RSBN1: variants seen among roughly 807,000 people sequenced by gnomAD.
The protein encoded by RSBN1 is round spermatid basic protein 1.
In RSBN1, 23 loss-of-function variants were observed where a neutral mutation model predicts 74.8. The observed-to-expected ratio is 0.31, with a 90% confidence interval of 0.22 to 0.44. The LOEUF (loss-of-function observed/expected upper bound fraction) is 0.44, where lower values mean the gene tolerates loss of function less well. Among genes scored for constraint, RSBN1 ranks in the 20% least tolerant of loss-of-function variants. The pLI is 1.00. For missense variants in RSBN1, 808 were observed against 1,020.9 expected (o/e 0.79, Z 2.84); for synonymous variants, 407 against 379.6 (o/e 1.07, Z -0.84).
At chr1:113,809,954 A>G (rs954103500) in intron 1 of RSBN1, among the ~76,000 whole-genome samples, 3 of 152,204 alleles carry the variant, frequency 2.0e-5, no homozygotes, top group Non-Finnish European at 4.4e-5. Flanking sequence ...TTAGGTCAGA[A>G]GTGTGTTTTT....
At chr1:113,801,733 A>C (rs996613982) in intron 1 of RSBN1, among the ~76,000 whole-genome samples, 16 of 152,226 alleles carry the variant, frequency 1.1e-4, no homozygotes, top group Admixed American at 1.3e-4. Context: ...TCACCTATCC[A>C]ACTGTGTGAT....
rs1414459500 is a variant in RSBN1, at chr1:113,761,901, TG to T, written c.*4078del. On this transcript the variant is annotated 3_prime_UTR_variant, in exon 7 of 7. Transcript: ENST00000261441. ...GAAAAAAAAAAACTATGCATTCCATTGTCCTATTTTACAAAGAAATAGCTTA... is the reference window on the plus strand; with the variant it reads ...GAAAAAAAAAAACTATGCATTCCATTTCCTATTTTACAAAGAAATAGCTTA... 1 of 152,666 alleles carries T rather than the reference TG, an allele frequency of 6.6e-6. No homozygotes were observed. Among genetic ancestry groups the T allele is most frequent in the Non-Finnish European group, 1.5e-5 (1 of 68,010 alleles). 9.5% of individuals were successfully genotyped at this position (152,666 alleles called of 1,614,324 possible). A position where few individuals can be genotyped will look rare whatever the true frequency, so the allele number is the denominator to read the frequency against.
At position 113,812,209 on chromosome 1, in the gene RSBN1, C is replaced by T. The variant is rs1401057372; in HGVS notation, c.204G>A (p.Pro68=). The T allele has an allele frequency of 3.1e-6, 5 of 1,607,774 alleles. No individual in the cohort carries two copies. The African/African-American group carries it at 5.3e-5, about 17-fold the overall frequency. ...VVRAVAAQEE[P]DKEGKEKPHA... is the part of the protein sequence containing the mutation. ...GAGGTTTCTCCTTCCCCTCTTTGTC[C>T]GGCTCCTCCTGCGCCGCCACCGCCC... The change falls in exon 1 of 7, where the codon CCG becomes CCA. Residue 68 remains proline (P), a synonymous_variant. Coordinates refer to ENST00000261441, the MANE Select transcript of RSBN1 (RefSeq NM_018364.5).
chr1:113,786,764 A>C (rs2101807122), intron 2 of RSBN1, among the ~76,000 whole-genome samples: 1 of 152,314 alleles, frequency 6.6e-6, no homozygotes, highest in South Asian at 2.1e-4. Context: ...TGAGTCCAGG[A>C]GTTCAAGACC....
chr1:113,787,625 AT>A (rs1486212707), intron 2 of RSBN1, among the ~76,000 whole-genome samples: 1 of 152,206 alleles, frequency 6.6e-6, no homozygotes, highest in African/African-American at 2.4e-5. Context: ...GGAGAGAACC[AT>A]TACACTGGAA....
rs759752848 is a variant in RSBN1, at chr1:113,812,286, A to T, written c.127T>A (p.Cys43Ser). The change falls in exon 1 of 7, where the codon TGT becomes AGT. Residue 43 changes from cysteine to serine, a missense_variant. Cys to Ser is a moderately radical substitution (Grantham distance 112, BLOSUM62 -1). Coordinates refer to ENST00000261441, the MANE Select transcript of RSBN1 (RefSeq NM_018364.5). The stretch of plus-strand genomic sequence containing the variant: ...GCAGCCATTTCACCCACAAACACAC[A>T]TTTAAATGGCCCGACCGCCCCCCCG... Reference protein sequence around the residue: ...ADGGAVGPFKCVFVGEMAAQV... With the variant: ...ADGGAVGPFKSVFVGEMAAQV... 1.2e-6 allele frequency: 2 copies of T among 1,604,872 alleles called. No individual in the cohort carries two copies. The highest frequency in any genetic ancestry group is 1.7e-6 in the Non-Finnish European group (2 of 1,179,754).
chr1:113,771,738 A>G (rs1000134467), intron 4 of RSBN1, among the ~76,000 whole-genome samples: 4 of 151,586 alleles, frequency 2.6e-5, no homozygotes, highest in Non-Finnish European at 5.9e-5. Context: ...GAAGCAATAA[A>G]TAAAAAGATG....
intron 2 of RSBN1, among the ~76,000 whole-genome samples, chr1:113,779,594 G>C (rs1014268182): frequency 2.6e-5 from 4 of 152,188 alleles, no homozygotes; most frequent in African/African-American, 9.7e-5. Flanking sequence ...ATGGGATATA[G>C]AGATAAGGAA....
chr1:113,794,248 G>C (rs1203054282), intron 2 of RSBN1, among the ~76,000 whole-genome samples: 1 of 152,006 alleles, frequency 6.6e-6, no homozygotes, highest in Non-Finnish European at 1.5e-5. Context: ...TTATGACATG[G>C]TTACTATCGT....
intron 2 of RSBN1, among the ~76,000 whole-genome samples, chr1:113,780,111 C>G (rs954910906): frequency 6.6e-6 from 1 of 152,164 alleles, no homozygotes; most frequent in Non-Finnish European, 1.5e-5. Context: ...GGCTTTCTCT[C>G]TATACAGGCA....
chr1:113,769,813 G>C (rs4145859), intron 4 of RSBN1, among the ~76,000 whole-genome samples: 29,149 of 152,080 alleles, frequency 0.19, 3,804 homozygotes, highest in East Asian at 0.59. Context: ...AAGAAGCCAG[G>C]CATAATAATG....
chr1:113,797,266 G>A, intron 2 of RSBN1, 97 bp downstream of exon 2: 1 of 956,668 alleles, frequency 1.0e-6, no homozygotes, highest in Non-Finnish European at 1.5e-6. Context: ...CCATAAATTT[G>A]TTATCAAAAA....
At chr1:113,802,420 G>A (rs1295464081) in intron 1 of RSBN1, among the ~76,000 whole-genome samples, 3 of 151,700 alleles carry the variant, frequency 2.0e-5, no homozygotes, top group Admixed American at 2.0e-4. Flanking sequence ...TTTTTTAAAG[G>A]ACTAAAGTTG....
chr1:113,803,688 T>A (rs1229630695), intron 1 of RSBN1, among the ~76,000 whole-genome samples: 2 of 152,194 alleles, frequency 1.3e-5, no homozygotes, highest in Non-Finnish European at 2.9e-5. Context: ...AGTGTACTAT[T>A]TAAGATAAGA....
chr1:113,804,377 T>G (rs1012895619), intron 1 of RSBN1, among the ~76,000 whole-genome samples: 15 of 152,194 alleles, frequency 9.9e-5, no homozygotes, highest in Admixed American at 5.9e-4. Context: ...AGAAACAGCC[T>G]GAAACAAGAT....
intron 1 of RSBN1, among the ~76,000 whole-genome samples, chr1:113,805,862 G>A (rs1660689915): frequency 6.6e-6 from 1 of 152,140 alleles, no homozygotes. Context: ...GAGCCGAACA[G>A]CAGGCTTTGC....
In RSBN1 at chr1:113,812,416, G is replaced by A. The variant is rs1223881122; in HGVS notation, c.-4C>T. 2 of 1,587,824 alleles carry A rather than the reference G, an allele frequency of 1.3e-6. No individual in the cohort carries two copies. Among genetic ancestry groups the A allele is most frequent in the Admixed American group, 3.5e-5 (2 of 57,660 alleles). On this transcript the variant is annotated 5_prime_UTR_variant, in exon 1 of 7. Transcript: ENST00000261441. Reference sequence around the variant, plus strand: ...TTCTTCGTCCAGAGATGAACATGCCGGAAGCGGCCGTTCCCAGCTTTTCTC... The same window carrying A: ...TTCTTCGTCCAGAGATGAACATGCCAGAAGCGGCCGTTCCCAGCTTTTCTC...
At position 113,797,751 on chromosome 1, in the gene RSBN1, G is replaced by A. The variant is rs1450469072; in HGVS notation, c.989C>T (p.Pro330Leu). The A allele has an allele frequency of 6.2e-7, 1 of 1,613,934 alleles. No homozygotes were observed. Among genetic ancestry groups the A allele is most frequent in the African/African-American group, 1.3e-5 (1 of 74,886 alleles). The change falls in exon 2 of 7, where the codon CCC becomes CTC. Residue 330 changes from proline (P) to leucine (L), a missense_variant. By Grantham distance (98) the Pro-to-Leu change is moderately conservative. Around this residue, in one of 6 missense-constraint regions of RSBN1, gnomAD observed 85 missense variants for 126.2 expected, o/e 0.67. Coordinates refer to ENST00000261441, the MANE Select transcript of RSBN1 (RefSeq NM_018364.5). ...LNLGMQEYRV[P>L]QGVQTPFMTH... ...CATAAAAGGTGTTTGTACTCCCTGGGGTACCCGATATTCTTGCATACCCAA... is the reference window on the plus strand; with the variant it reads ...CATAAAAGGTGTTTGTACTCCCTGGAGTACCCGATATTCTTGCATACCCAA...
chr1:113,766,320 G>A lies in RSBN1; in HGVS notation c.2069C>T (p.Ser690Leu). The change falls in exon 7 of 7, where the codon TCG (serine) becomes TTG (leucine). Residue 690 changes from serine (S) to leucine (L), a missense_variant. By Grantham distance (145) the Ser-to-Leu change is moderately radical (BLOSUM62 -2). Coordinates refer to ENST00000261441, the MANE Select transcript of RSBN1 (RefSeq NM_018364.5). Reference sequence around the variant, plus strand: ...ATGCCAGGCTAAGCTGCACACCGCCGAAACTGTTTTGAACTGATGAATGAC... The same window carrying A: ...ATGCCAGGCTAAGCTGCACACCGCCAAAACTGTTTTGAACTGATGAATGAC... ...RNVIHQFKTV[S>L]AVCSLAWHIR... is the part of the protein sequence containing the mutation. 2 of 1,614,044 alleles carry A rather than the reference G, an allele frequency of 1.2e-6. No individual in the cohort carries two copies. The highest frequency in any genetic ancestry group is 1.7e-6 in the Non-Finnish European group (2 of 1,179,950).
Sources: gnomAD v4.1 joint callset for allele counts (sites outside exome capture counted in the v4.1 genomes callset) on GRCh38, gnomAD v4.1.1 for gene constraint, gnomAD v4.1.1 regional missense constraint, MANE v1.5 for transcripts, NCBI Gene and HGNC (gene_info 2026-07-23, HGNC 2026-07-21) for gene names.